CNTN4: variants seen among roughly 807,000 people sequenced by gnomAD.
CNTN4 encodes contactin 4, also known as contactin-4.
In CNTN4, 77 loss-of-function variants were observed where a neutral mutation model predicts 122.5. The observed-to-expected ratio is 0.63, with a 90% CI of 0.52 to 0.76. CNTN4 has a LOEUF of 0.76. Ranked by LOEUF, CNTN4 falls within the 30% of genes least tolerant of loss-of-function variation. The pLI is 0.00. For synonymous variants in CNTN4, 512 were observed against 447.0 expected (o/e 1.15, Z -1.83); for missense variants, 1,256 against 1,259.1 (o/e 1.00, Z 0.04).
At chr3:2,145,392 C>G (rs1209170804) in intron 2 of CNTN4, among the ~76,000 whole-genome samples, 1 of 152,204 alleles carries the variant, frequency 6.6e-6, no homozygotes, top group Non-Finnish European at 1.5e-5. Context: ...CATTGCATCT[C>G]TCTCCACTCC....
intron 2 of CNTN4, among the ~76,000 whole-genome samples, chr3:2,320,649 G>C (rs2043247054): frequency 1.3e-5 from 2 of 152,030 alleles, no homozygotes; most frequent in African/African-American, 4.8e-5. Flanking sequence ...GATGACTGCT[G>C]TTCTAAGTTG....
chr3:2,165,844 G>A (rs376397401), intron 2 of CNTN4, among the ~76,000 whole-genome samples: 17 of 152,052 alleles, frequency 1.1e-4, no homozygotes, highest in East Asian at 3.9e-4. Context: ...TAGGCTCATT[G>A]ATGTTGCAAC....
intron 13 of CNTN4, 57 bp from the exon 14 acceptor site, chr3:2,988,288 G>T: frequency 6.5e-7 from 1 of 1,526,978 alleles, no homozygotes; most frequent in Non-Finnish European, 9.1e-7. Flanking sequence ...GAACTAATTT[G>T]CAATAGGTCA....
At chr3:2,648,656 T>C (rs1289039251) in intron 4 of CNTN4, among the ~76,000 whole-genome samples, 1 of 152,082 alleles carries the variant, frequency 6.6e-6, no homozygotes, top group East Asian at 1.9e-4. Context: ...GAAACAACAA[T>C]ATTGAAATTA....
At chr3:2,865,710 C>T (rs1375882475) in intron 7 of CNTN4, among the ~76,000 whole-genome samples, 1 of 152,200 alleles carries the variant, frequency 6.6e-6, no homozygotes, top group Non-Finnish European at 1.5e-5. Context: ...ATGCCTGGAG[C>T]TGAAGCAGTT....
intron 12 of CNTN4, among the ~76,000 whole-genome samples, chr3:2,906,681 T>A (rs748654249): frequency 6.0e-5 from 9 of 151,026 alleles, no homozygotes; most frequent in African/African-American, 7.3e-5. Flanking sequence ...CTACTAAAAA[T>A]ATATATATAT....
At chr3:3,022,863 G>T (rs1468603868) in intron 14 of CNTN4, among the ~76,000 whole-genome samples, 1 of 152,096 alleles carries the variant, frequency 6.6e-6, no homozygotes. Context: ...GGATGTTGTT[G>T]GTCCTATTTA....
At chr3:2,646,928 A>T (rs375496171) in intron 4 of CNTN4, among the ~76,000 whole-genome samples, 4 of 152,318 alleles carry the variant, frequency 2.6e-5, no homozygotes, top group African/African-American at 9.6e-5. Flanking sequence ...ATACAGTCAC[A>T]TTCTAAGGTA....
chr3:2,572,335 G>A (rs541208749), intron 4 of CNTN4, among the ~76,000 whole-genome samples: 23 of 152,280 alleles, frequency 1.5e-4, no homozygotes, highest in African/African-American at 4.6e-4. Context: ...GCAGTGAGCC[G>A]AGATCGCGCC....
intron 6 of CNTN4, among the ~76,000 whole-genome samples, chr3:2,754,055 T>A (rs2090219880): frequency 6.6e-6 from 1 of 152,204 alleles, no homozygotes; most frequent in Non-Finnish European, 1.5e-5. Flanking sequence ...TGGTAAACTG[T>A]TTATCCCCAA....
Position 2,678,291 on chromosome 3 carries a change from T to C in CNTN4, c.56-57924T>C, listed in dbSNP as rs1462185099. On this transcript the variant is annotated intron_variant, in intron 4 of 24. Transcript: ENST00000418658. Reference sequence around the variant, plus strand: ...CCAGGATTCTGTGAAGAAATTCTTTTTCAGCCCTGTCGTAAAAAAATTTTT... The same window carrying C: ...CCAGGATTCTGTGAAGAAATTCTTTCTCAGCCCTGTCGTAAAAAAATTTTT... Among the ~76,000 whole-genome samples the C allele has an allele frequency of 2.6e-5, 4 of 152,308 alleles. No homozygotes were observed. In the East Asian group the frequency reaches 7.7e-4, roughly 29 times the overall value.
chr3:2,745,672 C>T lies in CNTN4; in HGVS notation c.333C>T (p.Ser111=). 1 of 1,614,046 alleles carries T rather than the reference C, an allele frequency of 6.2e-7. No homozygotes were observed. The highest frequency in any genetic ancestry group is 8.5e-7 in the Non-Finnish European group (1 of 1,179,956). ...TATNSFGTIV[S]REAKLQFAYL... ...CAAACTCGTTTGGAACAATTGTTAG[C>T]AGAGAAGCAAAGCTTCAGTTTGCTT... Residue 111 remains serine (S), a synonymous_variant, in exon 6 of 25, where the codon AGC becomes AGT. Coordinates refer to ENST00000418658, the MANE Select transcript of CNTN4 (RefSeq NM_175607.3).
rs199842381 is a variant in CNTN4 at position 2,916,630 on chromosome 3, T to C, written c.1208-8999T>C. ...TACACAGACACAGCAACAATCTGAT[T>C]TCTCTTTCCTTTCCCCACACTTCCC... is the stretch of plus-strand genomic sequence containing the variant. On this transcript the variant is annotated intron_variant, in intron 12 of 24. Transcript: ENST00000418658. 3.1e-4 allele frequency among the ~76,000 whole-genome samples: 35 copies of C among 114,612 alleles called. 6 individuals carry two copies. The highest frequency in any genetic ancestry group is 8.3e-4 in the Admixed American group (9 of 10,780). 75.2% of individuals were successfully genotyped at this position (114,612 alleles called of 152,430 possible). A position where few individuals can be genotyped will look rare whatever the true frequency, so the allele number is the denominator to read the frequency against.
At chr3:2,340,723 A>AGG (rs2044175977) in intron 3 of CNTN4, among the ~76,000 whole-genome samples, 1 of 138,082 alleles carries the variant, frequency 7.2e-6, no homozygotes, top group African/African-American at 2.6e-5. Context: ...AGAGAGAGAG[A>AGG]GAGAGAGAGA....
chr3:2,281,316 TGTA>T (rs1575254038), intron 2 of CNTN4, among the ~76,000 whole-genome samples: 1 of 152,226 alleles, frequency 6.6e-6, no homozygotes, highest in African/African-American at 2.4e-5. Context: ...TTCCATATAG[TGTA>T]GTTGTGAGCA....
intron 2 of CNTN4, among the ~76,000 whole-genome samples, chr3:2,241,361 G>A (rs374601951): frequency 1.2e-4 from 18 of 152,138 alleles, no homozygotes; most frequent in African/African-American, 4.1e-4. Flanking sequence ...GTGTTCCCAC[G>A]ATTATTTCTC....
chr3:2,561,387 C>G (rs1269647661), intron 3 of CNTN4, among the ~76,000 whole-genome samples: 3 of 152,120 alleles, frequency 2.0e-5, no homozygotes, highest in Admixed American at 6.5e-5. Flanking sequence ...AGTTTACTTC[C>G]CAGTACCCAG....
rs562560131 is a variant in CNTN4 at position 2,690,601 on chromosome 3, T to C, written c.56-45614T>C. ...CTCTTTATTTATGGGGAAGGGTCAT[T>C]ATCCATCATCAAGTGACAAAGCTTG... On this transcript the variant is annotated intron_variant, in intron 4 of 24. Transcript: ENST00000418658. Among the ~76,000 whole-genome samples the C allele has an allele frequency of 3.3e-5, 5 of 152,234 alleles. No individual in the cohort carries two copies. The South Asian group carries it at 1.0e-3, about 32-fold the overall frequency.
At chr3:2,497,404 G>C (rs36087708) in intron 3 of CNTN4, among the ~76,000 whole-genome samples, 15,986 of 152,144 alleles carry the variant, frequency 0.11, 984 homozygotes, top group Non-Finnish European at 0.14. Context: ...AGCTCATTAT[G>C]TAGTTTTTGG....
Sources: gnomAD v4.1 joint callset for allele counts (sites outside exome capture counted in the v4.1 genomes callset) on GRCh38, gnomAD v4.1.1 for gene constraint, MANE v1.5 for transcripts, NCBI Gene and HGNC (gene_info 2026-07-23, HGNC 2026-07-21) for gene names.